Variants in NHSL2 observed in about 807,000 individuals in gnomAD.
The protein encoded by NHSL2 is NHS like 2.
NHSL2 carries 27 observed loss-of-function variants against 53.4 expected under a neutral mutation model. The ratio of observed to expected loss-of-function variants is 0.51; its 90% CI spans 0.37 to 0.70. NHSL2 has a LOEUF of 0.70. Ranked by LOEUF, NHSL2 falls within the 30% of genes least tolerant of loss-of-function variation. The probability of loss-of-function intolerance (pLI) is 0.00; values close to 1 mark genes in which losing one functional copy is unlikely to be tolerated. For missense variants in NHSL2, 892 were observed against 980.1 expected, an observed-to-expected ratio of 0.91 and a Z score of 1.20; for synonymous variants, 408 against 404.1, an observed-to-expected ratio of 1.01 and a Z score of -0.12.
chrX:71,927,424 C>G (rs2041691274), intron 1 of NHSL2, among the ~76,000 whole-genome samples: 1 of 112,584 alleles, frequency 8.9e-6, no homozygotes, highest in African/African-American at 3.2e-5. Context: ...TGGTTTAACA[C>G]TGACAGAAGA....
In NHSL2 at chrX:72,098,318, C is replaced by T. The variant is rs958916466; in HGVS notation, c.281-33761C>T. On this transcript the variant is annotated intron_variant, in intron 1 of 7. Coordinates refer to ENST00000633930, the MANE Select transcript of NHSL2 (RefSeq NM_001013627.3). The stretch of plus-strand genomic sequence containing the variant: ...GAAGTTGGCCGGGCGCGGTGGCTCA[C>T]GCCTGTAATCCCAGCACTTTGGGAA... 7.1e-5 allele frequency among the ~76,000 whole-genome samples: 8 copies of T among 112,325 alleles called. No individual in the cohort carries two copies. The South Asian group carries it at 1.1e-3, about 15-fold the overall frequency.
At chrX:71,982,966 G>C (rs1203892768) in intron 1 of NHSL2, among the ~76,000 whole-genome samples, 1 of 112,125 alleles carries the variant, frequency 8.9e-6, no homozygotes, top group Non-Finnish European at 1.9e-5. Flanking sequence ...GTGTGAAGAA[G>C]GGGGGACGCA....
intron 1 of NHSL2, among the ~76,000 whole-genome samples, chrX:71,980,568 GGGTGTGTGTGT>G (rs2041972784): frequency 7.2e-4 from 1 of 1,380 alleles, no homozygotes; most frequent in African/African-American, 2.8e-3. Context: ...GGGGTGTGTG[GGGTGTGTGTGT>G]GTGTGTGTGT....
Position 72,055,445 on chromosome X carries a change from G to T in NHSL2, c.281-76634G>T, listed in dbSNP as rs1274443543. On this transcript the variant is annotated intron_variant, in intron 1 of 7. Coordinates refer to ENST00000633930, the MANE Select transcript of NHSL2 (RefSeq NM_001013627.3). ...GTTTTCTTGAGGCATCTTTCTGTTTGTGTCTTGCCTATGCCTCTTGAGGAC... is the reference window on the plus strand; with the variant it reads ...GTTTTCTTGAGGCATCTTTCTGTTTTTGTCTTGCCTATGCCTCTTGAGGAC... Among the ~76,000 whole-genome samples, 3 of 112,624 alleles carry T rather than the reference G, an allele frequency of 2.7e-5. No individual in the cohort carries two copies. The Admixed American group carries it at 2.8e-4, about 11-fold the overall frequency.
In NHSL2 at chrX:71,910,900, C is replaced by A. The variant is rs1222996097; in HGVS notation, c.-188C>A. The A allele has an allele frequency of 7.9e-6, 2 of 253,735 alleles. No individual in the cohort carries two copies. The highest frequency in any genetic ancestry group is 1.4e-4 in the Admixed American group (2 of 14,277). 20.9% of individuals were successfully genotyped at this position (253,735 alleles called of 1,213,427 possible). On this transcript the variant is annotated 5_prime_UTR_variant, in exon 1 of 8. Coordinates refer to ENST00000633930, the MANE Select transcript of NHSL2 (RefSeq NM_001013627.3). ...GCCCCGGGGGAGCCGGCGCTCTAGG[C>A]GAGGAACCCGTCAGCCCGCCTACCC...
At chrX:72,045,627 C>A (rs1013412109) in intron 1 of NHSL2, among the ~76,000 whole-genome samples, 3 of 111,955 alleles carry the variant, frequency 2.7e-5, no homozygotes, top group Non-Finnish European at 5.6e-5. Flanking sequence ...CCCCAGTCCC[C>A]GGTCAGACTG....
At chrX:72,006,935 A>G (rs1217186215) in intron 1 of NHSL2, among the ~76,000 whole-genome samples, 1 of 112,410 alleles carries the variant, frequency 8.9e-6, no homozygotes, top group African/African-American at 3.2e-5. Context: ...CTGCAATTCC[A>G]TTGCCCAGCC....
Position 71,911,059 on chromosome X carries a change from G to C in NHSL2, c.-29G>C. 1.0e-6 allele frequency: 1 copy of C among 985,982 alleles called. No individual in the cohort carries two copies. The highest frequency in any genetic ancestry group is 3.5e-5 in the South Asian group (1 of 28,411). 81.3% of individuals were successfully genotyped at this position (985,982 alleles called of 1,213,427 possible). On this transcript the variant is annotated 5_prime_UTR_variant, in exon 1 of 8. Coordinates refer to ENST00000633930, the MANE Select transcript of NHSL2 (RefSeq NM_001013627.3). ...GGTGAGCCCGCCGCGCCGCCAGACT[G>C]GTCCCCTGCGCCCGCGCCCGCGGCC...
intron 1 of NHSL2, among the ~76,000 whole-genome samples, chrX:72,115,513 T>G (rs1382171764): frequency 9.2e-6 from 1 of 108,739 alleles, no homozygotes; most frequent in Non-Finnish European, 1.9e-5. Flanking sequence ...ACCTATGAGA[T>G]CAATTGGCTA....
At chrX:72,087,188 A>G (rs1401688877) in intron 1 of NHSL2, among the ~76,000 whole-genome samples, 1 of 112,841 alleles carries the variant, frequency 8.9e-6, no homozygotes, top group Non-Finnish European at 1.9e-5. Context: ...AAAAGGAATG[A>G]AGTTCTGACA....
At chrX:71,928,114 G>A (rs779257800) in intron 1 of NHSL2, among the ~76,000 whole-genome samples, 110 of 112,401 alleles carry the variant, frequency 9.8e-4, no homozygotes, top group African/African-American at 3.4e-3. Flanking sequence ...TCCCAATTTT[G>A]TAGATGAAGA....
chrX:72,036,626 T>C (rs2042242804), intron 1 of NHSL2, among the ~76,000 whole-genome samples: 1 of 111,528 alleles, frequency 9.0e-6, no homozygotes, highest in Non-Finnish European at 1.9e-5. Context: ...AAATCTTAGA[T>C]CTTTTTTTTT....
At chrX:72,093,923 A>G (rs1291028633) in intron 1 of NHSL2, among the ~76,000 whole-genome samples, 2 of 110,472 alleles carry the variant, frequency 1.8e-5, no homozygotes, top group African/African-American at 6.6e-5. Flanking sequence ...CTGGGATTAC[A>G]GGTGTGCTCC....
At chrX:72,040,524 A>G (rs777934956) in intron 1 of NHSL2, among the ~76,000 whole-genome samples, 2 of 112,126 alleles carry the variant, frequency 1.8e-5, no homozygotes, top group African/African-American at 6.5e-5. Flanking sequence ...GATGTGCTGG[A>G]GGCCACATTC....
At chrX:72,085,368 T>A (rs2041829747) in intron 1 of NHSL2, among the ~76,000 whole-genome samples, 1 of 112,689 alleles carries the variant, frequency 8.9e-6, no homozygotes, top group African/African-American at 3.2e-5. Context: ...TTTCTTAACC[T>A]GCCCGGTATG....
At chrX:72,079,905 C>T (rs893449902) in intron 1 of NHSL2, 10 of 112,904 alleles carry the variant, frequency 8.9e-5, no homozygotes, top group South Asian at 3.6e-4. Flanking sequence ...CTCGCCTGTC[C>T]GCTGTGACTG....
chrX:72,066,149 G>T (rs897405419), intron 1 of NHSL2, among the ~76,000 whole-genome samples: 1 of 111,625 alleles, frequency 9.0e-6, no homozygotes, highest in Non-Finnish European at 1.9e-5. Context: ...GTCTGGGGAA[G>T]GATGATGGTG....
chrX:72,098,498 G>A (rs1304272444), intron 1 of NHSL2, among the ~76,000 whole-genome samples: 1 of 108,104 alleles, frequency 9.3e-6, no homozygotes, highest in East Asian at 2.9e-4. Context: ...GGAGAATGGC[G>A]TGAACCCGGG....
At position 71,957,404 on chromosome X, in the gene NHSL2, C is replaced by A. The variant is rs182000422; in HGVS notation, c.280+46037C>A. Among the ~76,000 whole-genome samples, 111 of 112,380 alleles carry A rather than the reference C, an allele frequency of 9.9e-4. 1 individual carries two copies. The highest frequency in any genetic ancestry group is 3.4e-3 in the African/African-American group (106 of 30,931). Reference sequence around the variant, plus strand: ...GCCTCAGCCTCCTGAGTAGCTGGGACTACAGGTGCCCACCACCGTGCTCAG... The same window carrying A: ...GCCTCAGCCTCCTGAGTAGCTGGGAATACAGGTGCCCACCACCGTGCTCAG... On this transcript the variant is annotated intron_variant, in intron 1 of 7. Coordinates refer to ENST00000633930, the MANE Select transcript of NHSL2 (RefSeq NM_001013627.3).
Sources: allele counts gnomAD v4.1 joint callset (sites outside exome capture counted in the v4.1 genomes callset), GRCh38; gene constraint gnomAD v4.1.1; transcripts MANE v1.5; gene names NCBI Gene and HGNC (gene_info 2026-07-23, HGNC 2026-07-21).